Variants in PARM1 observed in about 807,000 individuals in gnomAD.
PARM1 encodes the protein prostate androgen-regulated mucin-like protein 1, also known as WSC4, cell wall integrity and stress response component 4 homolog.
PARM1 carries 14 observed loss-of-function variants against 24.6 expected under a neutral mutation model. That is an observed-to-expected ratio of 0.57 (90% CI 0.38 to 0.89). PARM1 has a LOEUF of 0.89. PARM1 is among the 40% of genes least tolerant of loss of function. The probability of loss-of-function intolerance (pLI) is 0.00; values close to 1 mark genes in which losing one functional copy is unlikely to be tolerated. For synonymous variants in PARM1, 179 were observed against 156.6 expected (o/e 1.14, Z -1.07); for missense variants, 362 against 380.4 (o/e 0.95, Z 0.40).
intron 1 of PARM1, among the ~76,000 whole-genome samples, chr4:74,989,870 T>C (rs1722432137): frequency 6.6e-6 from 1 of 152,176 alleles, no homozygotes; most frequent in Non-Finnish European, 1.5e-5. Flanking sequence ...AGACCAAGTA[T>C]ATATATCACA....
At chr4:75,011,477 T>G (rs958195596) in intron 1 of PARM1, among the ~76,000 whole-genome samples, 1 of 151,624 alleles carries the variant, frequency 6.6e-6, no homozygotes, top group Non-Finnish European at 1.5e-5. Flanking sequence ...AGTCAGGGAA[T>G]GACAAGGGGG....
At chr4:74,957,909 G>A (rs1721675988) in intron 1 of PARM1, among the ~76,000 whole-genome samples, 1 of 152,178 alleles carries the variant, frequency 6.6e-6, no homozygotes, top group Non-Finnish European at 1.5e-5. Context: ...TTGCAGGCAG[G>A]TAGCCCAGAG....
At chr4:75,015,758 A>G (rs1298382227) in intron 2 of PARM1, among the ~76,000 whole-genome samples, 4 of 152,292 alleles carry the variant, frequency 2.6e-5, no homozygotes, top group African/African-American at 9.6e-5. Context: ...CCAAGATCAC[A>G]TGGCCCAGTG....
At chr4:74,985,828 G>A (rs1005672190) in intron 1 of PARM1, among the ~76,000 whole-genome samples, 5 of 152,170 alleles carry the variant, frequency 3.3e-5, no homozygotes, top group African/African-American at 1.2e-4. Context: ...GAGTGCAATG[G>A]CATGGTCTCG....
chr4:75,012,366 T>A (rs1428677603), intron 1 of PARM1, 59 bp from the exon 2 acceptor site: 2 of 1,554,236 alleles, frequency 1.3e-6, no homozygotes, highest in African/African-American at 2.7e-5. Flanking sequence ...GCCTTGCCTC[T>A]ATTTCACATA....
intron 1 of PARM1, among the ~76,000 whole-genome samples, chr4:74,948,837 A>G (rs776853242): frequency 5.9e-5 from 9 of 152,178 alleles, no homozygotes; most frequent in Non-Finnish European, 1.0e-4. Flanking sequence ...CCTGGCCAAC[A>G]TAGTGAAACC....
chr4:75,045,763 G>T (rs1723589726), intron 3 of PARM1, among the ~76,000 whole-genome samples: 1 of 152,192 alleles, frequency 6.6e-6, no homozygotes, highest in Admixed American at 6.5e-5. Context: ...AGCAACAGTG[G>T]TTGTGGTTGT....
At chr4:75,032,429 G>A (rs551459984) in intron 2 of PARM1, among the ~76,000 whole-genome samples, 11 of 152,120 alleles carry the variant, frequency 7.2e-5, no homozygotes, top group Non-Finnish European at 1.2e-4. Flanking sequence ...CTAATAAAAC[G>A]AACAGTAACA....
At chr4:75,040,913 T>G (rs1723471010) in intron 3 of PARM1, among the ~76,000 whole-genome samples, 1 of 152,178 alleles carries the variant, frequency 6.6e-6, no homozygotes, top group African/African-American at 2.4e-5. Flanking sequence ...CTCCTCTATG[T>G]GTCTGCTCAA....
At position 74,933,265 on chromosome 4, in the gene PARM1, G is replaced by C; in HGVS notation, c.-63G>C. 1 of 1,471,678 alleles carries C rather than the reference G, an allele frequency of 6.8e-7. No homozygotes were observed. Among genetic ancestry groups the C allele is most frequent in the East Asian group, 2.3e-5 (1 of 43,590 alleles). The allele number at this position is 1,471,678 out of a possible 1,614,324, so 91.2% of individuals were successfully genotyped here. ...AGGAGTCGCTACCAGCGCCCAGTGC[G>C]CTCTGTCAGTCCGCAAACTCCTTGC... On this transcript the variant is annotated 5_prime_UTR_variant, in exon 1 of 4. Coordinates refer to ENST00000307428, the MANE Select transcript of PARM1 (RefSeq NM_015393.4).
Position 75,047,289 on chromosome 4 carries a change from A to T in PARM1, c.*1042A>T, listed in dbSNP as rs576223420. On this transcript the variant is annotated 3_prime_UTR_variant, in exon 4 of 4. Coordinates refer to ENST00000307428, the MANE Select transcript of PARM1 (RefSeq NM_015393.4). ...GTAAAATGTTTAAAAACAAAACAAA[A>T]CAAAAAAGAGGCACTAGTCTATCTG... 3.3e-5 allele frequency: 5 copies of T among 152,344 alleles called. No homozygotes were observed. The South Asian group carries it at 8.3e-4, about 25-fold the overall frequency. 9.4% of individuals were successfully genotyped at this position (152,344 alleles called of 1,614,324 possible). A position where few individuals can be genotyped will look rare whatever the true frequency, so the allele number is the denominator to read the frequency against.
chr4:75,030,790 A>G (rs1241901501), intron 2 of PARM1, among the ~76,000 whole-genome samples: 1 of 152,094 alleles, frequency 6.6e-6, no homozygotes, highest in African/African-American at 2.4e-5. Context: ...CTCCCAGTGG[A>G]CTGCCCGTCA....
intron 1 of PARM1, among the ~76,000 whole-genome samples, chr4:75,001,905 A>G (rs1485793243): frequency 6.6e-6 from 1 of 152,218 alleles, no homozygotes; most frequent in Non-Finnish European, 1.5e-5. Flanking sequence ...ATGGTCAGCA[A>G]TGAACTCTGG....
intron 2 of PARM1, among the ~76,000 whole-genome samples, chr4:75,020,749 C>G (rs60403702): frequency 6.6e-6 from 1 of 152,164 alleles, no homozygotes; most frequent in Non-Finnish European, 1.5e-5. Context: ...GTTCCATGAG[C>G]GCCTGTGTCT....
intron 3 of PARM1, among the ~76,000 whole-genome samples, chr4:75,039,076 G>T (rs1578060866): frequency 6.6e-6 from 1 of 152,138 alleles, no homozygotes; most frequent in East Asian, 1.9e-4. Context: ...GTTAGAGTAG[G>T]CCCAGCCAGC....
intron 3 of PARM1, among the ~76,000 whole-genome samples, chr4:75,037,974 TG>T (rs767513247): frequency 2.2e-4 from 33 of 152,130 alleles, no homozygotes; most frequent in Non-Finnish European, 3.5e-4. Context: ...TGGAGTGCAG[TG>T]GCGTGATCTC....
intron 1 of PARM1, among the ~76,000 whole-genome samples, chr4:74,992,527 C>A (rs1239670964): frequency 6.6e-6 from 1 of 151,990 alleles, no homozygotes; most frequent in Non-Finnish European, 1.5e-5. Context: ...ATGAAGAAAA[C>A]TGCATCAAGG....
intron 2 of PARM1, among the ~76,000 whole-genome samples, chr4:75,031,995 G>A (rs1723284913): frequency 6.6e-6 from 1 of 152,190 alleles, no homozygotes; most frequent in South Asian, 2.1e-4. Flanking sequence ...AGTAGGAGTG[G>A]AGGTTTTCCA....
chr4:75,035,145 T>G (rs1410258567), intron 3 of PARM1, among the ~76,000 whole-genome samples: 2 of 152,232 alleles, frequency 1.3e-5, no homozygotes, highest in African/African-American at 2.4e-5. Context: ...CTTTGAGAGA[T>G]GTCCTTTCCA....
Sources: allele counts gnomAD v4.1 joint callset (sites outside exome capture counted in the v4.1 genomes callset), GRCh38; gene constraint gnomAD v4.1.1; transcripts MANE v1.5; gene names NCBI Gene and HGNC (gene_info 2026-07-23, HGNC 2026-07-21).